The following PIP4K2B variants were observed in gnomAD, a reference collection of about 807,000 sequenced individuals.
PIP4K2B encodes phosphatidylinositol 5-phosphate 4-kinase type-2 beta.
In PIP4K2B, 3 loss-of-function variants were observed where a neutral mutation model predicts 42.0. That is an observed-to-expected ratio of 0.07 (90% CI 0.03 to 0.18). The LOEUF is 0.18. Among genes scored for constraint, PIP4K2B ranks in the 10% least tolerant of loss-of-function variants. PIP4K2B has a pLI of 1.00. For synonymous variants in PIP4K2B, 204 were observed against 210.1 expected, an observed-to-expected ratio of 0.97 and a Z score of 0.25; for missense variants, 332 against 562.3, an observed-to-expected ratio of 0.59 and a Z score of 4.14.
At position 38,799,511 on chromosome 17, in the gene PIP4K2B, CCCCA is replaced by C; in HGVS notation, c.-91_-88del. On this transcript the variant is annotated 5_prime_UTR_variant, in exon 1 of 10. Coordinates refer to ENST00000619039, the MANE Select transcript of PIP4K2B (RefSeq NM_003559.5). The surrounding 1 kb of genome is among the most constrained non-coding windows in gnomAD (Gnocchi z 4.4). The stretch of plus-strand genomic sequence containing the variant: ...GGCCTCAGGCCTCCCCCGGACCGAT[CCCCA>C]CCCCCGCTCCCTCACCGCGCCATGG... 1.5e-6 allele frequency: 2 copies of C among 1,362,172 alleles called. 1 individual carries two copies. The highest frequency in any genetic ancestry group is 1.9e-6 in the Non-Finnish European group (2 of 1,062,962). 84.4% of individuals were successfully genotyped at this position (1,362,172 alleles called of 1,614,324 possible).
chr17:38,792,164 T>C (rs2143472940), intron 1 of PIP4K2B, among the ~76,000 whole-genome samples: 1 of 152,032 alleles, frequency 6.6e-6, no homozygotes, highest in East Asian at 1.9e-4. Flanking sequence ...GATTGATTGA[T>C]TGAGACAGGG....
At chr17:38,770,791 C>G (rs1908978018) in intron 8 of PIP4K2B, among the ~76,000 whole-genome samples, 1 of 152,160 alleles carries the variant, frequency 6.6e-6, no homozygotes, top group Non-Finnish European at 1.5e-5. Flanking sequence ...AGCAGAACCA[C>G]TCTTCAGTCA....
chr17:38,779,011 A>G (rs1425418363), intron 5 of PIP4K2B, among the ~76,000 whole-genome samples: 4 of 152,154 alleles, frequency 2.6e-5, no homozygotes, highest in Non-Finnish European at 5.9e-5. Context: ...AACACGGAGC[A>G]CCCTAGTTCA....
At chr17:38,776,216 C>G in intron 7 of PIP4K2B, 1 of 315,854 alleles carries the variant, frequency 3.2e-6, no homozygotes. Context: ...AAGATCCGCC[C>G]ACCTCAGCCT....
intron 1 of PIP4K2B, among the ~76,000 whole-genome samples, chr17:38,794,893 A>T (rs1450531507): frequency 6.6e-6 from 1 of 151,988 alleles, no homozygotes; most frequent in Non-Finnish European, 1.5e-5. Flanking sequence ...TGAGGCCAGG[A>T]GTTCGAGACC....
Position 38,799,431 on chromosome 17 carries a change from G to C in PIP4K2B, c.-7C>G, listed in dbSNP as rs375007052. On this transcript the variant is annotated 5_prime_UTR_variant, in exon 1 of 10. Coordinates refer to ENST00000619039, the MANE Select transcript of PIP4K2B (RefSeq NM_003559.5). This position sits in a 1 kb window ranked among gnomAD's most constrained non-coding sequence, Gnocchi z 4.4. ...TGGTGCAGTTGGACGACATGCCCGG[G>C]GCGGCGGCGGCGGCGGCGAAAGAGG... The C allele has an allele frequency of 1.3e-6, 2 of 1,545,878 alleles. No individual in the cohort carries two copies. The highest frequency in any genetic ancestry group is 1.7e-6 in the Non-Finnish European group (2 of 1,153,724).
intron 1 of PIP4K2B, among the ~76,000 whole-genome samples, chr17:38,793,073 C>T (rs140564922): frequency 0.014 from 2,075 of 151,904 alleles, 41 homozygotes; most frequent in African/African-American, 0.045. Flanking sequence ...GGATTACAGG[C>T]GCATGCCACC....
chr17:38,791,098 G>A (rs1358521584), intron 1 of PIP4K2B, among the ~76,000 whole-genome samples: 4 of 152,080 alleles, frequency 2.6e-5, no homozygotes, highest in African/African-American at 9.7e-5. Context: ...CACCCTCAAA[G>A]TCAAAGCAGT....
intron 1 of PIP4K2B, among the ~76,000 whole-genome samples, chr17:38,796,887 A>G (rs1045997940): frequency 1.3e-5 from 2 of 152,202 alleles, no homozygotes; most frequent in Non-Finnish European, 2.9e-5. Context: ...ATCTCCAAAA[A>G]AGTGCAGCAG....
intron 1 of PIP4K2B, among the ~76,000 whole-genome samples, chr17:38,790,414 C>A (rs921559059): frequency 6.6e-6 from 1 of 152,192 alleles, no homozygotes; most frequent in African/African-American, 2.4e-5. Flanking sequence ...CGGCTGGGCG[C>A]AGTGGCTCAC....
intron 2 of PIP4K2B, 32 bp from the exon 3 acceptor site, chr17:38,784,371 C>T (rs1020468176): frequency 8.8e-7 from 1 of 1,132,098 alleles, no homozygotes. Context: ...TCTTTGTGAA[C>T]TGCCCCTTGC....
In PIP4K2B at chr17:38,799,475, C is replaced by G; in HGVS notation, c.-51G>C. 2 of 1,498,338 alleles carry G rather than the reference C, an allele frequency of 1.3e-6. No homozygotes were observed. Among genetic ancestry groups the G allele is most frequent in the South Asian group, 1.3e-5 (1 of 79,442 alleles). The allele number at this position is 1,498,338 out of a possible 1,614,324, so 92.8% of individuals were successfully genotyped here. ...AAAGAGGGGGGCGGCGGAGACAGCG[C>G]ACAAGCCAGCGGCCTCAGGCCTCCC... On this transcript the variant is annotated 5_prime_UTR_variant, in exon 1 of 10. Coordinates refer to ENST00000619039, the MANE Select transcript of PIP4K2B (RefSeq NM_003559.5). This position sits in a 1 kb window ranked among gnomAD's most constrained non-coding sequence, Gnocchi z 4.4.
At chr17:38,791,390 C>G (rs1910330559) in intron 1 of PIP4K2B, among the ~76,000 whole-genome samples, 1 of 146,270 alleles carries the variant, frequency 6.8e-6, no homozygotes, top group South Asian at 2.2e-4. Flanking sequence ...CTTTCCTAAT[C>G]TGGCTCAGAC....
At chr17:38,791,650 C>T (rs566382845) in intron 1 of PIP4K2B, among the ~76,000 whole-genome samples, 69 of 150,462 alleles carry the variant, frequency 4.6e-4, no homozygotes, top group Non-Finnish European at 8.1e-4. Context: ...CTTAGGAGAT[C>T]CACCTGCCTC....
At chr17:38,778,049 C>A (rs1283303034) in intron 6 of PIP4K2B, among the ~76,000 whole-genome samples, 4 of 152,202 alleles carry the variant, frequency 2.6e-5, no homozygotes, top group African/African-American at 9.6e-5. Context: ...CAGCTCAGGG[C>A]TCAGGCAGCC....
chr17:38,777,288 C>T (rs1173413980), intron 7 of PIP4K2B, among the ~76,000 whole-genome samples: 1 of 152,152 alleles, frequency 6.6e-6, no homozygotes, highest in African/African-American at 2.4e-5. Flanking sequence ...TGGTATTGAA[C>T]TGCTGAGCTC....
At chr17:38,798,835 G>T (rs747937980) in intron 1 of PIP4K2B, among the ~76,000 whole-genome samples, 16 of 152,210 alleles carry the variant, frequency 1.1e-4, no homozygotes, top group Non-Finnish European at 2.2e-4. Context: ...AGAAAGAGAG[G>T]ACTATTTGGG....
chr17:38,769,379 C>T lies in PIP4K2B; in HGVS notation c.*312G>A, dbSNP rs1908882641. 2.3e-5 allele frequency: 8 copies of T among 343,952 alleles called. No individual in the cohort carries two copies. In the East Asian group the frequency reaches 3.9e-4, roughly 17 times the overall value. The allele number at this position is 343,952 out of a possible 1,614,324, so 21.3% of individuals were successfully genotyped here. On this transcript the variant is annotated 3_prime_UTR_variant, in exon 10 of 10. Coordinates refer to ENST00000619039, the MANE Select transcript of PIP4K2B (RefSeq NM_003559.5). Reference sequence around the variant, plus strand: ...AAACCCACGAAGTCATCTCTAGCCCCAAGGTATCTTAAAAGGTTACAAGGT... The same window carrying T: ...AAACCCACGAAGTCATCTCTAGCCCTAAGGTATCTTAAAAGGTTACAAGGT...
rs534576579 is a variant in PIP4K2B at position 38,782,761 on chromosome 17, C to G, written c.354+1482G>C. On this transcript the variant is annotated intron_variant, in intron 3 of 9. Coordinates refer to ENST00000619039, the MANE Select transcript of PIP4K2B (RefSeq NM_003559.5). ...GCCCCTTCTGCTGCTGTGAACTACT[C>G]TATCAAAGGGGTGGGGTGGGAGGAA... is the stretch of plus-strand genomic sequence containing the variant. Among the ~76,000 whole-genome samples the G allele has an allele frequency of 1.9e-4, 29 of 152,222 alleles. No homozygotes were observed. The East Asian group carries it at 5.2e-3, about 27-fold the overall frequency.
Sources: gnomAD v4.1 joint callset for allele counts (sites outside exome capture counted in the v4.1 genomes callset) on GRCh38, gnomAD v4.1.1 for gene constraint, Gnocchi (gnomAD v3.1) non-coding constraint, MANE v1.5 for transcripts, NCBI Gene and HGNC (gene_info 2026-07-23, HGNC 2026-07-21) for gene names.